Variants in BRWD3 observed in about 807,000 individuals in gnomAD.
The protein encoded by BRWD3 is bromodomain and WD repeat-containing protein 3.
Under a neutral mutation model 149.7 loss-of-function variants are expected in BRWD3, and 10 were observed. The ratio of observed to expected loss-of-function variants is 0.07; its 90% CI spans 0.04 to 0.11. The LOEUF (loss-of-function observed/expected upper bound fraction) is 0.11. BRWD3 is among the 10% of genes least tolerant of loss of function. BRWD3 has a pLI of 1.00. For missense variants in BRWD3, 940 were observed against 1,373.2 expected (o/e 0.68, Z 4.99); for synonymous variants, 504 against 456.7 (o/e 1.10, Z -1.32).
At chrX:80,763,720 GA>G (rs905192597) in intron 6 of BRWD3, among the ~76,000 whole-genome samples, 29 of 111,065 alleles carry the variant, frequency 2.6e-4, no homozygotes, top group Non-Finnish European at 3.8e-4. Context: ...AAATGGTGAA[GA>G]AAAAAAATCA....
rs1200126151 is a variant in BRWD3, at chrX:80,675,537, ATTAAT to A, written c.*1067_*1071del. ...TTATGAAACTTTGTTAATTACAATT[ATTAAT>A]TTGAGAGCCAATACAATTATTAACA... On this transcript the variant is annotated 3_prime_UTR_variant, in exon 41 of 41. Coordinates refer to ENST00000373275, the MANE Select transcript of BRWD3 (RefSeq NM_153252.5). The A allele has an allele frequency of 5.3e-5, 6 of 112,162 alleles. No individual in the cohort carries two copies. Among genetic ancestry groups the A allele is most frequent in the African/African-American group, 1.9e-4 (6 of 30,903 alleles). 9.2% of individuals were successfully genotyped at this position (112,162 alleles called of 1,213,427 possible).
intron 25 of BRWD3, among the ~76,000 whole-genome samples, chrX:80,699,357 A>T (rs2072747388): frequency 8.9e-6 from 1 of 111,845 alleles, no homozygotes; most frequent in African/African-American, 3.3e-5. Flanking sequence ...CCAAAATGAA[A>T]CACACATAAA....
chrX:80,737,633 G>A (rs951344629), intron 8 of BRWD3, among the ~76,000 whole-genome samples: 6 of 111,759 alleles, frequency 5.4e-5, no homozygotes, highest in African/African-American at 1.6e-4. Flanking sequence ...TCGGGAGTTC[G>A]AAACGAGACT....
At chrX:80,681,951 G>T in intron 39 of BRWD3, 46 bp downstream of exon 39, 1 of 1,014,258 alleles carries the variant, frequency 9.9e-7, no homozygotes, top group Non-Finnish European at 1.4e-6. Context: ...CTTAATATCA[G>T]AATTAAACCG....
At chrX:80,767,007 T>A (rs1353409309) in intron 6 of BRWD3, among the ~76,000 whole-genome samples, 1 of 112,550 alleles carries the variant, frequency 8.9e-6, no homozygotes, top group East Asian at 2.8e-4. Context: ...CCTTGCTTAC[T>A]GGTAGCTCAG....
At chrX:80,773,873 T>C (rs982106579) in intron 6 of BRWD3, among the ~76,000 whole-genome samples, 1 of 112,513 alleles carries the variant, frequency 8.9e-6, no homozygotes, top group African/African-American at 3.2e-5. Context: ...GTTTAAGTCC[T>C]GTACTACAAT....
At chrX:80,809,411 A>C (rs868539571) in intron 1 of BRWD3, 30 bp downstream of exon 1, 3 of 1,062,776 alleles carry the variant, frequency 2.8e-6, no homozygotes, top group Non-Finnish European at 1.3e-6. Context: ...TTCCCTTAGC[A>C]CCCCCCCACC....
intron 15 of BRWD3, among the ~76,000 whole-genome samples, chrX:80,724,316 A>T (rs769738954): frequency 1.3e-4 from 14 of 111,814 alleles, no homozygotes; most frequent in Non-Finnish European, 2.5e-4. Context: ...GTCTATATAA[A>T]GCATATAAAA....
chrX:80,792,525 G>A (rs1297410807), intron 5 of BRWD3, among the ~76,000 whole-genome samples: 2 of 111,317 alleles, frequency 1.8e-5, no homozygotes, highest in Admixed American at 9.6e-5. Context: ...TAATAACTTG[G>A]CTTTAAAACA....
chrX:80,741,230 G>C (rs944036913), intron 8 of BRWD3, among the ~76,000 whole-genome samples: 1 of 111,770 alleles, frequency 8.9e-6, no homozygotes, highest in Non-Finnish European at 1.9e-5. Context: ...CCCTGCAAAG[G>C]ACATGAACTC....
intron 20 of BRWD3, among the ~76,000 whole-genome samples, chrX:80,713,978 G>A (rs972291951): frequency 9.0e-5 from 10 of 111,435 alleles, no homozygotes; most frequent in Non-Finnish European, 1.5e-4. Flanking sequence ...CAGATAAAGA[G>A]GGGAATCAGA....
chrX:80,709,526 G>A lies in BRWD3; in HGVS notation c.2377C>T (p.Arg793Cys), dbSNP rs768212341. ...GRSLRRTQRKRQHTYQTRSNI... is the reference protein window; with the variant it reads ...GRSLRRTQRKCQHTYQTRSNI... ...GACCGTGTTTGGTAAGTATGCTGACGTTTGCGCTGTGTCCTGCGTAAAGAA... is the reference window on the plus strand; with the variant it reads ...GACCGTGTTTGGTAAGTATGCTGACATTTGCGCTGTGTCCTGCGTAAAGAA... Residue 793 changes from arginine to cysteine, a missense_variant, in exon 21 of 41, where the codon CGT (arginine) becomes TGT (cysteine). Physicochemically the swap from Arg to Cys is radical, Grantham distance 180. Coordinates refer to ENST00000373275, the MANE Select transcript of BRWD3 (RefSeq NM_153252.5). 24 of 1,209,912 alleles carry A rather than the reference G, an allele frequency of 2.0e-5. No individual in the cohort carries two copies. The highest frequency in any genetic ancestry group is 3.5e-5 in the South Asian group (2 of 56,924).
chrX:80,774,789 A>C (rs925213614), intron 6 of BRWD3, among the ~76,000 whole-genome samples: 2 of 111,130 alleles, frequency 1.8e-5, no homozygotes, highest in African/African-American at 6.6e-5. Context: ...TGCTTGAATC[A>C]ATCCAATTAC....
Position 80,703,545 on chromosome X carries a change from C to T in BRWD3, c.2770G>A (p.Ala924Thr). The change falls in exon 24 of 41, where the codon GCC (alanine) becomes ACC (threonine). Residue 924 changes from alanine to threonine, a missense_variant. Transcript: ENST00000373275. The stretch of plus-strand genomic sequence containing the variant: ...ATAGTATCCAAGATCCACTGAGGGG[C>T]AAACCATTCTTCATTAGGCTCACCT... ...IAGEPNEEWF[A>T]PQWILDTIPR... 1 of 1,208,151 alleles carries T rather than the reference C, an allele frequency of 8.3e-7. No homozygotes were observed. Among genetic ancestry groups the T allele is most frequent in the Non-Finnish European group, 1.1e-6 (1 of 893,867 alleles).
intron 5 of BRWD3, among the ~76,000 whole-genome samples, chrX:80,792,425 T>A (rs950234467): frequency 8.9e-5 from 10 of 112,357 alleles, no homozygotes; most frequent in Non-Finnish European, 9.4e-5. Context: ...ATAACAGCAC[T>A]GCATATCAGA....
chrX:80,694,859 A>G (rs1016174128), intron 27 of BRWD3, among the ~76,000 whole-genome samples: 1 of 111,166 alleles, frequency 9.0e-6, no homozygotes, highest in Non-Finnish European at 1.9e-5. Context: ...TACTTTGGAC[A>G]TGGACTTTTG....
intron 4 of BRWD3, among the ~76,000 whole-genome samples, chrX:80,799,115 C>A: frequency 8.9e-6 from 1 of 112,359 alleles, no homozygotes; most frequent in Admixed American, 9.5e-5. Context: ...AGATTATAAA[C>A]CTTCTTGATA....
chrX:80,806,253 T>G (rs2074347463), intron 4 of BRWD3, among the ~76,000 whole-genome samples: 1 of 110,499 alleles, frequency 9.0e-6, no homozygotes, highest in African/African-American at 3.3e-5. Flanking sequence ...ATAGAAAATA[T>G]AAAAACAGAA....
chrX:80,706,033 A>G lies in BRWD3; in HGVS notation c.2553-1187T>C, dbSNP rs979187372. Among the ~76,000 whole-genome samples, 4 of 112,191 alleles carry G rather than the reference A, an allele frequency of 3.6e-5. No individual in the cohort carries two copies. The East Asian group carries it at 8.3e-4, about 23-fold the overall frequency. ...GCTTGCTGTAACATTTTTACTTTAT[A>G]CTTTTTAGTGTTTTTTAACTTTTTG... On this transcript the variant is annotated intron_variant, in intron 22 of 40. Transcript: ENST00000373275.
Sources: allele counts gnomAD v4.1 joint callset (sites outside exome capture counted in the v4.1 genomes callset), GRCh38; gene constraint gnomAD v4.1.1; transcripts MANE v1.5; gene names NCBI Gene and HGNC (gene_info 2026-07-23, HGNC 2026-07-21).